The following GNB4 variants were observed in gnomAD, a reference collection of about 807,000 sequenced individuals.
GNB4 encodes the protein guanine nucleotide-binding protein subunit beta-4.
Under a neutral mutation model 45.2 loss-of-function variants are expected in GNB4, and 28 were observed. The observed-to-expected ratio is 0.62, with a 90% CI of 0.46 to 0.85. The LOEUF is 0.85. Ranked by LOEUF, GNB4 falls within the 40% of genes least tolerant of loss-of-function variation. GNB4 has a pLI of 0.00. For missense variants in GNB4, 321 were observed against 425.4 expected (o/e 0.75, Z 2.16); for synonymous variants, 132 against 143.7 (o/e 0.92, Z 0.58).
the GNB4 span, among the ~76,000 whole-genome samples, chr3:179,476,474 T>C: frequency 6.6e-6 from 1 of 152,194 alleles, no homozygotes; most frequent in East Asian, 1.9e-4. Context: ...CTGGTAGCTC[T>C]ACAGTTCTGG....
intron 1 of GNB4, among the ~76,000 whole-genome samples, chr3:179,433,946 G>T (rs1457873396): frequency 6.6e-6 from 1 of 152,168 alleles, no homozygotes; most frequent in Non-Finnish European, 1.5e-5. Context: ...ATTAAAATAA[G>T]ATAGAATGTC....
At position 179,450,166 on chromosome 3, in the gene GNB4, A is replaced by T. The variant is rs180775439; in HGVS notation, c.-43+1180T>A. ...TACAAACCAAAATGCAACATGGAAA[A>T]TCTTAAAATGTCTTTAAGCCACATA... On this transcript the variant is annotated intron_variant, in intron 1 of 9. Coordinates refer to ENST00000232564, the MANE Select transcript of GNB4 (RefSeq NM_021629.4). Among the ~76,000 whole-genome samples, 128 of 152,370 alleles carry T rather than the reference A, an allele frequency of 8.4e-4. 1 individual carries two copies. Among genetic ancestry groups the T allele is most frequent in the African/African-American group, 2.9e-3 (122 of 41,586 alleles).
the GNB4 span, among the ~76,000 whole-genome samples, chr3:179,483,649 C>CA: frequency 2.6e-5 from 4 of 152,078 alleles, no homozygotes; most frequent in Non-Finnish European, 5.9e-5. Flanking sequence ...AAATCTGTGA[C>CA]AAAAAGACAG....
In GNB4 at chr3:179,416,545, C is replaced by T. The variant is rs769484227; in HGVS notation, c.215G>A (p.Ser72Asn). ...HWGYDSRLLVSASQDGKLIIW... is the reference protein window; with the variant it reads ...HWGYDSRLLVNASQDGKLIIW... ...AATTAATTTTCCATCTTGAGAAGCA[C>T]TGACTAGCAGCCTAGAGGAACAAAC... Residue 72 changes from serine to asparagine, a missense_variant, in exon 5 of 10, where the codon AGT becomes AAT. Transcript: ENST00000232564. 1 of 1,596,300 alleles carries T rather than the reference C, an allele frequency of 6.3e-7. No individual in the cohort carries two copies. Among genetic ancestry groups the T allele is most frequent in the Non-Finnish European group, 8.5e-7 (1 of 1,170,788 alleles).
chr3:179,481,530 A>C, the GNB4 span, among the ~76,000 whole-genome samples: 10 of 152,160 alleles, frequency 6.6e-5, no homozygotes, highest in African/African-American at 2.4e-4. Flanking sequence ...TTTAGAGACA[A>C]GGTCTCACTA....
the GNB4 span, among the ~76,000 whole-genome samples, chr3:179,501,092 C>A: frequency 1.1e-4 from 17 of 152,298 alleles, no homozygotes; most frequent in South Asian, 2.9e-3. Flanking sequence ...CTGGAGGCAG[C>A]CTACAGGGAG....
At chr3:179,493,977 C>G in the GNB4 span, among the ~76,000 whole-genome samples, 1 of 152,164 alleles carries the variant, frequency 6.6e-6, no homozygotes. Context: ...GCCACAGGAA[C>G]AGAAACATGG....
chr3:179,447,253 G>A lies in GNB4; in HGVS notation c.-43+4093C>T, dbSNP rs150834530. On this transcript the variant is annotated intron_variant, in intron 1 of 9. Coordinates refer to ENST00000232564, the MANE Select transcript of GNB4 (RefSeq NM_021629.4). ...ATGCTGGACCTACAGCAGTGACGAT[G>A]GCGAGGCTGGAAGAGAGTGAGCAGG... is the stretch of plus-strand genomic sequence containing the variant. Among the ~76,000 whole-genome samples the A allele has an allele frequency of 9.2e-5, 14 of 151,790 alleles. No individual in the cohort carries two copies. The East Asian group carries it at 2.7e-3, about 29-fold the overall frequency.
At chr3:179,485,005 GTTTTTTTTTTTTTTT>G in the GNB4 span, among the ~76,000 whole-genome samples, 3 of 51,150 alleles carry the variant, frequency 5.9e-5, no homozygotes, top group African/African-American at 1.2e-4. Context: ...TTTTCGTTTT[GTTTTTTTTTTTTTTT>G]TTTTTTTTGA....
intron 8 of GNB4, among the ~76,000 whole-genome samples, chr3:179,410,122 G>A (rs1714608626): frequency 6.6e-6 from 1 of 152,168 alleles, no homozygotes; most frequent in South Asian, 2.1e-4. Context: ...TAAGTTTCCT[G>A]AGGCCTCCCC....
At position 179,399,820 on chromosome 3, in the gene GNB4, C is replaced by T. The variant is rs908842037; in HGVS notation, c.*1393G>A. 1 of 152,172 alleles carries T rather than the reference C, an allele frequency of 6.6e-6. No individual in the cohort carries two copies. Among genetic ancestry groups the T allele is most frequent in the Non-Finnish European group, 1.5e-5 (1 of 68,036 alleles). 9.4% of individuals were successfully genotyped at this position (152,172 alleles called of 1,614,324 possible). A position where few individuals can be genotyped will look rare whatever the true frequency, so the allele number is the denominator to read the frequency against. On this transcript the variant is annotated 3_prime_UTR_variant, in exon 10 of 10. Coordinates refer to ENST00000232564, the MANE Select transcript of GNB4 (RefSeq NM_021629.4). Reference sequence around the variant, plus strand: ...GTCTATATATCAGAATAATCCAAGACTTTACCATCAAGCAAGACTAACAAT... The same window carrying T: ...GTCTATATATCAGAATAATCCAAGATTTTACCATCAAGCAAGACTAACAAT...
At chr3:179,467,410 C>T in the GNB4 span, among the ~76,000 whole-genome samples, 3 of 152,112 alleles carry the variant, frequency 2.0e-5, no homozygotes, top group Admixed American at 1.3e-4. Flanking sequence ...TGGAAGTATA[C>T]CTTGGAAGGG....
At chr3:179,456,812 A>G in the GNB4 span, among the ~76,000 whole-genome samples, 1 of 26,116 alleles carries the variant, frequency 3.8e-5, no homozygotes, top group African/African-American at 1.8e-4. Flanking sequence ...TATAAGTGGA[A>G]CCATACAGTA....
At chr3:179,468,573 C>T in the GNB4 span, among the ~76,000 whole-genome samples, 6 of 151,888 alleles carry the variant, frequency 4.0e-5, no homozygotes, top group South Asian at 2.1e-4. Context: ...AGTGGGTAGT[C>T]GGACATGCAT....
intron 2 of GNB4, among the ~76,000 whole-genome samples, chr3:179,422,192 T>C (rs777140318): frequency 2.6e-5 from 4 of 151,962 alleles, no homozygotes; most frequent in Non-Finnish European, 5.9e-5. Flanking sequence ...ACGCTGAAAA[T>C]TGGTAACAAA....
At chr3:179,510,375 ATCTT>A in the GNB4 span, among the ~76,000 whole-genome samples, 34 of 152,136 alleles carry the variant, frequency 2.2e-4, no homozygotes, top group African/African-American at 8.0e-4. Flanking sequence ...TCAGAAGAAA[ATCTT>A]TCTTCTTATT....
chr3:179,490,764 G>A, the GNB4 span, among the ~76,000 whole-genome samples: 1 of 152,058 alleles, frequency 6.6e-6, no homozygotes, highest in Non-Finnish European at 1.5e-5. Context: ...CTACTTTGAG[G>A]GTGGATCTTC....
chr3:179,409,520 A>C (rs542657976), intron 8 of GNB4, among the ~76,000 whole-genome samples: 1 of 133,814 alleles, frequency 7.5e-6, no homozygotes, highest in South Asian at 2.5e-4. Flanking sequence ...CTCAAAAACA[A>C]AAAAAAAAAG....
At chr3:179,500,849 T>C in the GNB4 span, among the ~76,000 whole-genome samples, 2 of 152,226 alleles carry the variant, frequency 1.3e-5, no homozygotes, top group South Asian at 4.1e-4. Flanking sequence ...GTAGCAATTG[T>C]GAATGGGAGT....
Sources: gnomAD v4.1 joint callset for allele counts (sites outside exome capture counted in the v4.1 genomes callset) on GRCh38, gnomAD v4.1.1 for gene constraint, MANE v1.5 for transcripts, NCBI Gene and HGNC (gene_info 2026-07-23, HGNC 2026-07-21) for gene names.